The following MLC1 variants were observed in gnomAD, a reference collection of about 807,000 sequenced individuals.
MLC1 encodes membrane protein MLC1.
Under a neutral mutation model 44.7 loss-of-function variants are expected in MLC1, and 32 were observed. The observed-to-expected ratio is 0.72, with a 90% CI of 0.54 to 0.96. The LOEUF (loss-of-function observed/expected upper bound fraction) is 0.96, where lower values mean the gene tolerates loss of function less well. Among genes scored for constraint, MLC1 ranks in the 40% least tolerant of loss-of-function variants. The probability of loss-of-function intolerance (pLI) is 0.00; values close to 1 mark genes in which losing one functional copy is unlikely to be tolerated. For missense variants in MLC1, 459 were observed against 492.2 expected (o/e 0.93, Z 0.64); for synonymous variants, 190 against 213.0 (o/e 0.89, Z 0.94).
chr22:50,070,092 C>T (rs944104932), intron 9 of MLC1, among the ~76,000 whole-genome samples: 2 of 152,094 alleles, frequency 1.3e-5, no homozygotes, highest in African/African-American at 4.8e-5. Context: ...ATCCCAGCTA[C>T]TCAGGAGGCT....
intron 3 of MLC1, among the ~76,000 whole-genome samples, chr22:50,081,057 G>GAAAGAAAGAAAGAAAGAAAGAA (rs1306674913): frequency 4.0e-5 from 6 of 151,430 alleles, no homozygotes; most frequent in East Asian, 1.9e-4. Context: ...AAGAAAGAAA[G>GAAAGAAAGAAAGAAAGAAAGAA]AGGAGGTCTG....
At chr22:50,079,665 A>G (rs1248608184) in intron 5 of MLC1, among the ~76,000 whole-genome samples, 1 of 151,884 alleles carries the variant, frequency 6.6e-6, no homozygotes, top group Non-Finnish European at 1.5e-5. Context: ...GAAACATAGT[A>G]TTATGTCACT....
intron 2 of MLC1, among the ~76,000 whole-genome samples, chr22:50,084,393 A>T (rs1400359969): frequency 6.6e-6 from 1 of 152,096 alleles, no homozygotes; most frequent in Non-Finnish European, 1.5e-5. Context: ...CCACCTTTGC[A>T]GGTGACCCCT....
At chr22:50,077,331 G>T in intron 6 of MLC1, 70 bp downstream of exon 6, 1 of 1,380,252 alleles carries the variant, frequency 7.2e-7, no homozygotes, top group Non-Finnish European at 1.0e-6. Context: ...GTGACGCTGA[G>T]ACCCACCTCG....
intron 6 of MLC1, among the ~76,000 whole-genome samples, 178 bp from the exon 7 acceptor site, chr22:50,077,090 A>T (rs183926683): frequency 8.5e-5 from 13 of 152,346 alleles, no homozygotes; most frequent in Admixed American, 7.8e-4. Flanking sequence ...TTGTCCTTGC[A>T]TATGAAAATT....
chr22:50,070,680 T>G, intron 8 of MLC1, 97 bp from the exon 9 acceptor site: 1 of 1,332,950 alleles, frequency 7.5e-7, no homozygotes, highest in Non-Finnish European at 1.0e-6. Flanking sequence ...CCATGCAGGC[T>G]GCCTGGCTGG....
chr22:50,074,415 C>T, intron 7 of MLC1, 83 bp from the exon 8 acceptor site: 1 of 1,251,456 alleles, frequency 8.0e-7, no homozygotes, highest in South Asian at 1.2e-5. Context: ...GACATGGACC[C>T]CCAGGAGCAG....
At chr22:50,068,629 G>T (rs2061772288) in intron 9 of MLC1, 74 bp from the exon 10 acceptor site, 4 of 1,463,994 alleles carry the variant, frequency 2.7e-6, no homozygotes, top group African/African-American at 1.4e-5. Context: ...GGCCAGGGCT[G>T]GGGGGGCGGG....
At chr22:50,076,265 G>C (rs1263218995) in intron 7 of MLC1, among the ~76,000 whole-genome samples, 1 of 152,090 alleles carries the variant, frequency 6.6e-6, no homozygotes, top group Non-Finnish European at 1.5e-5. Context: ...AAGTAAGAAG[G>C]AGAAAGAGGC....
intron 9 of MLC1, 107 bp downstream of exon 9, chr22:50,070,420 C>T (rs1410798983): frequency 1.6e-5 from 18 of 1,119,724 alleles, no homozygotes; most frequent in East Asian, 1.0e-4. Flanking sequence ...CCAGTCACTG[C>T]GCTCTCTTGG....
At chr22:50,067,341 TAGACAGTGACTCCATCCCCCGTC>T (rs2061724772) in intron 10 of MLC1, among the ~76,000 whole-genome samples, 28 of 107,126 alleles carry the variant, frequency 2.6e-4, no homozygotes, top group South Asian at 7.2e-4. Flanking sequence ...ATTACCCCAT[TAGACAGTGACTCCATCCCCCGTC>T]AGACAGTGAC....
chr22:50,081,946 G>A (rs963160078), intron 3 of MLC1, among the ~76,000 whole-genome samples: 2 of 152,278 alleles, frequency 1.3e-5, no homozygotes, highest in African/African-American at 4.8e-5. Context: ...GAGGGCAGCA[G>A]AGTGGGACGG....
At chr22:50,066,750 A>G (rs1415778514) in intron 10 of MLC1, among the ~76,000 whole-genome samples, 5 of 152,150 alleles carry the variant, frequency 3.3e-5, no homozygotes, top group Non-Finnish European at 7.4e-5. Flanking sequence ...CTGGTTGCCC[A>G]TAAGAGGAGC....
chr22:50,079,411 T>G lies in MLC1; in HGVS notation c.423+507A>C, dbSNP rs147791251. On this transcript the variant is annotated intron_variant, in intron 5 of 11. Coordinates refer to ENST00000311597, the MANE Select transcript of MLC1 (RefSeq NM_015166.4). ...TCAAGCCTCCTCCAGCTTTCCCCAA[T>G]CATCAAGTGCATTCCACATGTCACA... Among the ~76,000 whole-genome samples the G allele has an allele frequency of 3.7e-4, 55 of 147,556 alleles. 1 individual carries two copies. In the East Asian group the frequency reaches 0.01, roughly 27 times the overall value.
intron 7 of MLC1, 105 bp downstream of exon 7, chr22:50,076,736 C>A (rs2146879002): frequency 8.2e-7 from 1 of 1,222,500 alleles, no homozygotes; most frequent in Non-Finnish European, 1.2e-6. Context: ...GCGGTGTAGA[C>A]AGCCAACTCT....
chr22:50,085,080 A>G lies in MLC1; in HGVS notation c.-59-119T>C, dbSNP rs1311530414. On this transcript the variant is annotated intron_variant, in intron 1 of 11. Transcript: ENST00000311597. ...TACTGAAGTGCTCTAAATTTGAAGA[A>G]GAAAATGAGCACTTGAATCTAAAAG... is the stretch of plus-strand genomic sequence containing the variant. 3 of 1,452,340 alleles carry G rather than the reference A, an allele frequency of 2.1e-6. No individual in the cohort carries two copies. The Admixed American group carries it at 7.8e-5, about 38-fold the overall frequency. The allele number at this position is 1,452,340 out of a possible 1,614,324, so 90.0% of individuals were successfully genotyped here. A position where few individuals can be genotyped will look rare whatever the true frequency, so the allele number is the denominator to read the frequency against.
intron 6 of MLC1, 132 bp from the exon 7 acceptor site, chr22:50,077,044 C>T (rs373549998): frequency 6.8e-6 from 6 of 882,460 alleles, no homozygotes; most frequent in Admixed American, 1.9e-5. Flanking sequence ...TGGAGGCGCC[C>T]GTGGATCTTT....
rs2146934502 is a variant in MLC1 at position 50,083,302 on chromosome 22, C to T, written c.178-129G>A. ...CACGTCCCCCAGCATCAACCACACC[C>T]GCACCTGGGACCCGCCCATCCTGGA... is the stretch of plus-strand genomic sequence containing the variant. On this transcript the variant is annotated intron_variant, in intron 2 of 11. Transcript: ENST00000311597. This position sits in a 1 kb window ranked among gnomAD's most constrained non-coding sequence, Gnocchi z 4.6. 5 of 829,158 alleles carry T rather than the reference C, an allele frequency of 6.0e-6. No individual in the cohort carries two copies. Among genetic ancestry groups the T allele is most frequent in the South Asian group, 2.9e-5 (2 of 69,772 alleles). 51.4% of individuals were successfully genotyped at this position (829,158 alleles called of 1,614,324 possible). A position where few individuals can be genotyped will look rare whatever the true frequency, so the allele number is the denominator to read the frequency against.
intron 8 of MLC1, 149 bp from the exon 9 acceptor site, chr22:50,070,732 C>T (rs757287477): frequency 4.8e-5 from 40 of 825,530 alleles, no homozygotes; most frequent in Middle Eastern, 2.3e-4. Context: ...TGCCCAAAGG[C>T]GCAGCTGGGG....
Sources: allele counts gnomAD v4.1 joint callset (sites outside exome capture counted in the v4.1 genomes callset), GRCh38; gene constraint gnomAD v4.1.1; non-coding constraint Gnocchi (gnomAD v3.1); transcripts MANE v1.5; gene names NCBI Gene and HGNC (gene_info 2026-07-23, HGNC 2026-07-21).